The following TRPC6 variants were observed in gnomAD, a reference collection of about 807,000 sequenced individuals.
TRPC6 encodes short transient receptor potential channel 6.
In TRPC6, 55 loss-of-function variants were observed where a neutral mutation model predicts 90.7. That is an observed-to-expected ratio of 0.61 (90% CI 0.49 to 0.76). The LOEUF (loss-of-function observed/expected upper bound fraction) is 0.76, where lower values mean the gene tolerates loss of function less well. Among genes scored for constraint, TRPC6 ranks in the 30% least tolerant of loss-of-function variants. TRPC6 has a pLI of 0.00. For synonymous variants in TRPC6, 393 were observed against 393.0 expected, an observed-to-expected ratio of 1.00 and a Z score of 0.00; for missense variants, 989 against 1,122.7, an observed-to-expected ratio of 0.88 and a Z score of 1.70.
At chr11:101,583,241 G>T in intron 1 of TRPC6, 93 bp downstream of exon 1, 1 of 1,488,046 alleles carries the variant, frequency 6.7e-7, no homozygotes, top group Non-Finnish European at 8.9e-7. Context: ...CGCGGGTTCA[G>T]GACGCGCGCG....
intron 10 of TRPC6, among the ~76,000 whole-genome samples, chr11:101,455,755 A>G (rs1175230907): frequency 6.6e-6 from 1 of 152,226 alleles, no homozygotes; most frequent in Non-Finnish European, 1.5e-5. Flanking sequence ...GCATTTTCTG[A>G]ATTAAAATCC....
chr11:101,479,101 A>G (rs1859486925), intron 5 of TRPC6, among the ~76,000 whole-genome samples: 1 of 152,112 alleles, frequency 6.6e-6, no homozygotes, highest in Non-Finnish European at 1.5e-5. Flanking sequence ...AAGCTTCCCC[A>G]GCCCCCTCAA....
chr11:101,459,123 CA>C (rs1342654157), intron 10 of TRPC6, among the ~76,000 whole-genome samples: 1 of 152,174 alleles, frequency 6.6e-6, no homozygotes, highest in African/African-American at 2.4e-5. Flanking sequence ...TTGTTCACCA[CA>C]AGCTCATATG....
At chr11:101,522,951 A>G (rs1860695036) in intron 1 of TRPC6, among the ~76,000 whole-genome samples, 1 of 152,248 alleles carries the variant, frequency 6.6e-6, no homozygotes, top group Non-Finnish European at 1.5e-5. Context: ...ACCAAGAATG[A>G]GAGAGATGAT....
rs1239404197 is a variant in TRPC6 at position 101,570,123 on chromosome 11, T to C, written c.170+13211A>G. ...AAGATCAACAAACTAGATAGACCACTAACCAGATTAATAAAGAAGAAAAGA... is the reference window on the plus strand; with the variant it reads ...AAGATCAACAAACTAGATAGACCACCAACCAGATTAATAAAGAAGAAAAGA... On this transcript the variant is annotated intron_variant, in intron 1 of 12. Transcript: ENST00000344327. Among the ~76,000 whole-genome samples, 3 of 151,812 alleles carry C rather than the reference T, an allele frequency of 2.0e-5. No homozygotes were observed. In the South Asian group the frequency reaches 6.2e-4, roughly 31 times the overall value.
At chr11:101,515,863 C>T (rs1321355424) in intron 1 of TRPC6, among the ~76,000 whole-genome samples, 1 of 152,020 alleles carries the variant, frequency 6.6e-6, no homozygotes, top group East Asian at 1.9e-4. Flanking sequence ...TGTAGGTACA[C>T]ATATATTAAA....
intron 1 of TRPC6, among the ~76,000 whole-genome samples, chr11:101,516,305 A>AT (rs1278732685): frequency 6.6e-6 from 1 of 152,054 alleles, no homozygotes; most frequent in Non-Finnish European, 1.5e-5. Flanking sequence ...CTTAAATCTT[A>AT]TTTTTTATTA....
chr11:101,515,014 A>G (rs1860485173), intron 1 of TRPC6, among the ~76,000 whole-genome samples: 1 of 152,224 alleles, frequency 6.6e-6, no homozygotes, highest in Non-Finnish European at 1.5e-5. Flanking sequence ...CCTTAACTGT[A>G]AAAATGGAAA....
intron 10 of TRPC6, chr11:101,455,660 T>C (rs1271923933): frequency 6.6e-6 from 1 of 152,460 alleles, no homozygotes; most frequent in African/African-American, 2.4e-5. Flanking sequence ...TTAACCCAAA[T>C]AGGCAAATAA....
Position 101,583,322 on chromosome 11 carries a change from G to A in TRPC6, c.170+12C>T. The A allele has an allele frequency of 6.4e-7, 1 of 1,573,328 alleles. No homozygotes were observed. Among genetic ancestry groups the A allele is most frequent in the Non-Finnish European group, 8.6e-7 (1 of 1,160,526 alleles). ...GCCCGCGCCCGATCCGCCCCGCGTC[G>A]CCGGCACTCACAAGCAGGGGTAGTA... On this transcript the variant is annotated intron_variant, in intron 1 of 12. Transcript: ENST00000344327.
intron 9 of TRPC6, among the ~76,000 whole-genome samples, chr11:101,469,999 T>C (rs1019352148): frequency 6.6e-6 from 1 of 152,200 alleles, no homozygotes; most frequent in Non-Finnish European, 1.5e-5. Flanking sequence ...AAATAGTAAA[T>C]GGGAAACAGT....
At chr11:101,490,335 T>G (rs994664650) in intron 3 of TRPC6, among the ~76,000 whole-genome samples, 2 of 152,228 alleles carry the variant, frequency 1.3e-5, no homozygotes, top group African/African-American at 2.4e-5. Context: ...AATGGTTCAT[T>G]ATTCTCCATT....
intron 1 of TRPC6, among the ~76,000 whole-genome samples, chr11:101,526,432 C>T (rs1860780967): frequency 6.6e-6 from 1 of 152,168 alleles, no homozygotes; most frequent in African/African-American, 2.4e-5. Context: ...TCTCTTCCTT[C>T]TTTTAAAGTC....
At chr11:101,493,680 G>C (rs749652976) in intron 2 of TRPC6, among the ~76,000 whole-genome samples, 1 of 152,182 alleles carries the variant, frequency 6.6e-6, no homozygotes, top group Non-Finnish European at 1.5e-5. Context: ...TTCAGTGACA[G>C]ACTTTTCTCT....
rs184461686 is a variant in TRPC6 at position 101,564,911 on chromosome 11, C to A, written c.170+18423G>T. ...ATAGAACAGAGAGCCCATAAATAAACCGAAGCATATAGGGTTAAATAATTT... is the reference window on the plus strand; with the variant it reads ...ATAGAACAGAGAGCCCATAAATAAAACGAAGCATATAGGGTTAAATAATTT... On this transcript the variant is annotated intron_variant, in intron 1 of 12. Transcript: ENST00000344327. Among the ~76,000 whole-genome samples the A allele has an allele frequency of 2.0e-5, 3 of 152,038 alleles. No homozygotes were observed. In the East Asian group the frequency reaches 5.8e-4, roughly 29 times the overall value.
At chr11:101,541,440 C>A (rs1330007180) in intron 1 of TRPC6, among the ~76,000 whole-genome samples, 2 of 152,196 alleles carry the variant, frequency 1.3e-5, no homozygotes, top group Non-Finnish European at 2.9e-5. Flanking sequence ...CGGCTCACTG[C>A]AACCTCCACC....
At chr11:101,509,337 A>G (rs1487027303) in intron 1 of TRPC6, among the ~76,000 whole-genome samples, 10 of 151,814 alleles carry the variant, frequency 6.6e-5, no homozygotes, top group Admixed American at 5.9e-4. Context: ...GGGCTCAAGT[A>G]TCCTCCCACC....
In TRPC6 at chr11:101,575,667, G is replaced by T. The variant is rs1862055409; in HGVS notation, c.170+7667C>A. The stretch of plus-strand genomic sequence containing the variant: ...TCATATAAAATCAACAGAGATGAAT[G>T]AATAAATAGATTAATGAATTAATGA... On this transcript the variant is annotated intron_variant, in intron 1 of 12. Coordinates refer to ENST00000344327, the MANE Select transcript of TRPC6 (RefSeq NM_004621.6). Among the ~76,000 whole-genome samples the T allele has an allele frequency of 2.0e-5, 3 of 152,110 alleles. No individual in the cohort carries two copies. In the South Asian group the frequency reaches 6.2e-4, roughly 32 times the overall value.
intron 1 of TRPC6, among the ~76,000 whole-genome samples, chr11:101,574,582 G>C (rs937807382): frequency 1.3e-5 from 2 of 151,064 alleles, no homozygotes; most frequent in Non-Finnish European, 2.9e-5. Context: ...GGAATACAGT[G>C]TCTGGCCCTG....
Sources: allele counts gnomAD v4.1 joint callset (sites outside exome capture counted in the v4.1 genomes callset), GRCh38; gene constraint gnomAD v4.1.1; transcripts MANE v1.5; gene names NCBI Gene and HGNC (gene_info 2026-07-23, HGNC 2026-07-21).